The following SLC4A4 variants were observed in gnomAD, a reference collection of about 807,000 sequenced individuals.
SLC4A4 encodes electrogenic sodium bicarbonate cotransporter 1.
SLC4A4 carries 27 observed loss-of-function variants against 111.5 expected under a neutral mutation model. That is an observed-to-expected ratio of 0.24 (90% CI 0.18 to 0.33). The LOEUF is 0.33. SLC4A4 is among the 10% of genes least tolerant of loss of function. The probability of loss-of-function intolerance (pLI) is 1.00; values close to 1 mark genes in which losing one functional copy is unlikely to be tolerated. For missense variants in SLC4A4, 909 were observed against 1,315.5 expected (o/e 0.69, Z 4.78); for synonymous variants, 443 against 463.4 (o/e 0.96, Z 0.57).
chr4:71,404,919 C>T (rs1249765716), intron 7 of SLC4A4, among the ~76,000 whole-genome samples: 2 of 151,996 alleles, frequency 1.3e-5, no homozygotes, highest in Non-Finnish European at 2.9e-5. Context: ...CCTTAGCCTC[C>T]TGAATAGTGG....
chr4:71,519,910 A>G (rs1215408483), intron 16 of SLC4A4, among the ~76,000 whole-genome samples: 4 of 152,154 alleles, frequency 2.6e-5, no homozygotes, highest in Admixed American at 6.6e-5. Flanking sequence ...TTGCCCTCCC[A>G]AAGTGCTGGT....
At chr4:71,549,623 C>A (rs1041118763) in intron 20 of SLC4A4, among the ~76,000 whole-genome samples, 7 of 151,738 alleles carry the variant, frequency 4.6e-5, no homozygotes, top group South Asian at 4.1e-4. Flanking sequence ...TCAAAAAAGT[C>A]AGATGTGTTT....
intron 7 of SLC4A4, among the ~76,000 whole-genome samples, chr4:71,416,397 C>T (rs536803875): frequency 6.6e-4 from 101 of 152,282 alleles, no homozygotes; most frequent in Non-Finnish European, 1.1e-3. Flanking sequence ...AAAACAATTA[C>T]GACAATATTG....
At chr4:71,466,688 A>G in intron 13 of SLC4A4, 111 bp downstream of exon 13, 1 of 1,138,044 alleles carries the variant, frequency 8.8e-7, no homozygotes, top group Non-Finnish European at 1.3e-6. Flanking sequence ...CACTCAGAAT[A>G]CTGGAATGTT....
chr4:71,218,800 T>C (rs1718577794), intron 1 of SLC4A4, among the ~76,000 whole-genome samples: 1 of 152,164 alleles, frequency 6.6e-6, no homozygotes, highest in African/African-American at 2.4e-5. Flanking sequence ...TAAATTTTAT[T>C]ATTATTTCTA....
chr4:71,367,949 G>C (rs1044293270), intron 6 of SLC4A4, among the ~76,000 whole-genome samples: 16 of 152,254 alleles, frequency 1.1e-4, no homozygotes, highest in African/African-American at 3.9e-4. Flanking sequence ...TGTCTCCCCT[G>C]TTGTTTGCAT....
intron 1 of SLC4A4, among the ~76,000 whole-genome samples, chr4:71,078,166 T>C (rs1741895947): frequency 6.6e-6 from 1 of 151,976 alleles, no homozygotes; most frequent in African/African-American, 2.4e-5. Flanking sequence ...ACCAACACAT[T>C]GTGGGCCCTC....
chr4:71,387,237 G>GGAGTTT, intron 6 of SLC4A4, among the ~76,000 whole-genome samples: 1 of 152,206 alleles, frequency 6.6e-6, no homozygotes, highest in South Asian at 2.1e-4. Context: ...GTTTTACACT[G>GGAGTTT]ACATTTCTAA....
chr4:71,391,565 C>T (rs1273395409), intron 6 of SLC4A4, among the ~76,000 whole-genome samples: 1 of 151,998 alleles, frequency 6.6e-6, no homozygotes, highest in Non-Finnish European at 1.5e-5. Context: ...ACAGTATGTA[C>T]CTGCCAAGTG....
intron 6 of SLC4A4, among the ~76,000 whole-genome samples, chr4:71,385,858 A>G (rs1330933930): frequency 6.6e-6 from 1 of 152,076 alleles, no homozygotes; most frequent in African/African-American, 2.4e-5. Flanking sequence ...TGCTTTCCAC[A>G]TCACTGCACA....
rs1722850774 is a variant in SLC4A4 at position 71,424,186 on chromosome 4, G to C, written c.808-16430G>C. On this transcript the variant is annotated intron_variant, in intron 7 of 25. Coordinates refer to ENST00000264485, the MANE Select transcript of SLC4A4 (RefSeq NM_001098484.3). ...CCATCAAAAAGTGGGCAAAGGACAT[G>C]AACAGACACTTCTCAAAAGAAGACA... Among the ~76,000 whole-genome samples the C allele has an allele frequency of 1.3e-5, 2 of 152,056 alleles. 1 individual carries two copies. Among genetic ancestry groups the C allele is most frequent in the South Asian group, 4.1e-4 (2 of 4,822 alleles).
At chr4:71,359,986 C>A (rs926765927) in intron 6 of SLC4A4, among the ~76,000 whole-genome samples, 1 of 152,130 alleles carries the variant, frequency 6.6e-6, no homozygotes, top group African/African-American at 2.4e-5. Flanking sequence ...GGAGTCAGCT[C>A]TAATCTGCTC....
intron 3 of SLC4A4, among the ~76,000 whole-genome samples, chr4:71,337,621 T>C (rs1407708536): frequency 6.6e-6 from 1 of 152,110 alleles, no homozygotes; most frequent in Non-Finnish European, 1.5e-5. Flanking sequence ...AGTACAAGAA[T>C]TGTTGGCTCA....
intron 1 of SLC4A4, among the ~76,000 whole-genome samples, chr4:71,189,139 C>T (rs1350673405): frequency 6.6e-6 from 1 of 151,780 alleles, no homozygotes; most frequent in Admixed American, 6.6e-5. Flanking sequence ...TAGTCCCAGC[C>T]ATGTTAAAAA....
intron 3 of SLC4A4, among the ~76,000 whole-genome samples, chr4:71,267,123 A>G (rs569943393): frequency 6.6e-6 from 1 of 152,304 alleles, no homozygotes; most frequent in South Asian, 2.1e-4. Context: ...GAACAAAATT[A>G]AAGACTTTCT....
chr4:71,349,826 G>T (rs1355456717), intron 4 of SLC4A4, 86 bp from the exon 5 acceptor site: 1 of 1,207,762 alleles, frequency 8.3e-7, no homozygotes, highest in Admixed American at 1.7e-5. Flanking sequence ...AGTGCTGGAA[G>T]GGGTGAAGAT....
At chr4:71,542,430 C>G (rs1229705363) in intron 18 of SLC4A4, among the ~76,000 whole-genome samples, 3 of 152,046 alleles carry the variant, frequency 2.0e-5, no homozygotes, top group Non-Finnish European at 4.4e-5. Flanking sequence ...ACTTGCCTGC[C>G]TAAAACCCTT....
chr4:71,538,129 A>G (rs1345556192), intron 18 of SLC4A4, among the ~76,000 whole-genome samples: 1 of 152,096 alleles, frequency 6.6e-6, no homozygotes, highest in Non-Finnish European at 1.5e-5. Flanking sequence ...AAATTTGTTA[A>G]CAAATTCTTA....
chr4:71,233,854 A>G (rs1022186190), intron 1 of SLC4A4, among the ~76,000 whole-genome samples: 1 of 152,142 alleles, frequency 6.6e-6, no homozygotes, highest in Admixed American at 6.5e-5. Flanking sequence ...TCTTTTAAAA[A>G]TGAAAAACAG....
Sources: allele counts gnomAD v4.1 joint callset (sites outside exome capture counted in the v4.1 genomes callset), GRCh38; gene constraint gnomAD v4.1.1; transcripts MANE v1.5; gene names NCBI Gene and HGNC (gene_info 2026-07-23, HGNC 2026-07-21).